SLC12A8: variants seen among roughly 807,000 people sequenced by gnomAD.
The protein encoded by SLC12A8 is cation-chloride cotransporter 9.
A neutral mutation model predicts 75.6 loss-of-function variants in SLC12A8; 69 were observed. The ratio of observed to expected loss-of-function variants is 0.91; its 90% confidence interval spans 0.75 to 1.11. The LOEUF is 1.11. SLC12A8 is among the 50% of genes most tolerant of loss of function. The pLI is 0.00. For synonymous variants in SLC12A8, 365 were observed against 372.8 expected, an observed-to-expected ratio of 0.98 and a Z score of 0.24; for missense variants, 877 against 896.7, an observed-to-expected ratio of 0.98 and a Z score of 0.28.
intron 4 of SLC12A8, among the ~76,000 whole-genome samples, chr3:125,179,230 C>G (rs1934601361): frequency 6.6e-6 from 1 of 152,104 alleles, no homozygotes; most frequent in Non-Finnish European, 1.5e-5. Flanking sequence ...AAGCTAACTG[C>G]TAAGGCCATA....
chr3:125,189,692 C>T (rs567589141), intron 3 of SLC12A8, among the ~76,000 whole-genome samples: 15 of 152,330 alleles, frequency 9.8e-5, no homozygotes, highest in African/African-American at 3.1e-4. Context: ...TGGTGACTGG[C>T]TTGCCTTTTG....
intron 5 of SLC12A8, among the ~76,000 whole-genome samples, chr3:125,153,859 G>T (rs915196265): frequency 2.0e-5 from 3 of 152,210 alleles, no homozygotes; most frequent in Admixed American, 1.3e-4. Flanking sequence ...GGCTATTATT[G>T]GCCTTGAGCT....
At chr3:125,133,153 A>G (rs745434545) in intron 6 of SLC12A8, among the ~76,000 whole-genome samples, 1 of 152,072 alleles carries the variant, frequency 6.6e-6, no homozygotes, top group African/African-American at 2.4e-5. Flanking sequence ...GGAGAGGGAA[A>G]GGCTATTGCT....
At chr3:125,109,390 G>C (rs74366599) in intron 9 of SLC12A8, among the ~76,000 whole-genome samples, 1 of 152,204 alleles carries the variant, frequency 6.6e-6, no homozygotes, top group Non-Finnish European at 1.5e-5. Flanking sequence ...ACGTCTAATA[G>C]GATCTCAAAC....
chr3:125,098,231 G>T (rs1373307231), intron 10 of SLC12A8, among the ~76,000 whole-genome samples: 1 of 152,088 alleles, frequency 6.6e-6, no homozygotes, highest in African/African-American at 2.4e-5. Context: ...AGTCCACACA[G>T]AATCATGTTT....
chr3:125,114,115 G>C (rs1268368248), intron 8 of SLC12A8, among the ~76,000 whole-genome samples: 1 of 152,076 alleles, frequency 6.6e-6, no homozygotes, highest in East Asian at 1.9e-4. Flanking sequence ...TCCATGAATT[G>C]ATCAACATCT....
intron 10 of SLC12A8, among the ~76,000 whole-genome samples, chr3:125,107,107 G>C (rs1939047734): frequency 1.3e-5 from 2 of 152,102 alleles, no homozygotes; most frequent in African/African-American, 4.8e-5. Flanking sequence ...AAAACATATT[G>C]CATCCTTAAC....
chr3:125,120,493 TGGTCACAGTC>T, intron 7 of SLC12A8, 96 bp downstream of exon 7: 1 of 795,012 alleles, frequency 1.3e-6, no homozygotes, highest in Non-Finnish European at 2.2e-6. Context: ...TGAAATAGAT[TGGTCACAGTC>T]GGGGCACTCT....
At chr3:125,159,051 T>C (rs954154192) in intron 5 of SLC12A8, among the ~76,000 whole-genome samples, 4 of 152,118 alleles carry the variant, frequency 2.6e-5, no homozygotes, top group African/African-American at 9.7e-5. Flanking sequence ...AGACAGACAA[T>C]GATCTCTCAC....
At chr3:125,158,912 G>A (rs1421090823) in intron 5 of SLC12A8, among the ~76,000 whole-genome samples, 1 of 151,590 alleles carries the variant, frequency 6.6e-6, no homozygotes, top group Non-Finnish European at 1.5e-5. Flanking sequence ...CATCCCAAAT[G>A]GCTTCAAAAA....
intron 5 of SLC12A8, among the ~76,000 whole-genome samples, chr3:125,172,281 A>AAAG (rs1390642898): frequency 9.3e-5 from 14 of 150,576 alleles, no homozygotes; most frequent in African/African-American, 3.2e-4. Flanking sequence ...TCTTAAAAAA[A>AAAG]AAAAAAATTC....
intron 2 of SLC12A8, among the ~76,000 whole-genome samples, chr3:125,192,389 C>T (rs1934926019): frequency 6.6e-6 from 1 of 152,194 alleles, no homozygotes; most frequent in Admixed American, 6.5e-5. Flanking sequence ...CCCACACTCA[C>T]CTAAACATTA....
chr3:125,182,062 C>T (rs1430025562), intron 4 of SLC12A8, among the ~76,000 whole-genome samples: 4 of 152,072 alleles, frequency 2.6e-5, no homozygotes, highest in Admixed American at 6.6e-5. Context: ...CAGTGGTTTA[C>T]GCCTATAATC....
At chr3:125,178,573 T>C (rs1456783809) in intron 4 of SLC12A8, among the ~76,000 whole-genome samples, 1 of 152,244 alleles carries the variant, frequency 6.6e-6, no homozygotes, top group Non-Finnish European at 1.5e-5. Flanking sequence ...GCCCCAGATT[T>C]AATAAAGTTA....
chr3:125,108,203 A>G, intron 9 of SLC12A8, 77 bp from the exon 10 acceptor site: 1 of 1,433,918 alleles, frequency 7.0e-7, no homozygotes. Context: ...GTTACAGGCT[A>G]GAAACACAAC....
At chr3:125,183,042 T>G (rs1333157708) in intron 4 of SLC12A8, among the ~76,000 whole-genome samples, 1 of 152,164 alleles carries the variant, frequency 6.6e-6, no homozygotes, top group African/African-American at 2.4e-5. Context: ...AGTACCCTTA[T>G]GTTTACGCAA....
intron 2 of SLC12A8, among the ~76,000 whole-genome samples, chr3:125,194,764 T>C (rs1934974005): frequency 1.3e-5 from 2 of 152,240 alleles, no homozygotes; most frequent in Admixed American, 6.5e-5. Context: ...TCTCCCAAAG[T>C]GCACCTGCAG....
At chr3:125,177,172 G>T (rs1364721610) in intron 5 of SLC12A8, among the ~76,000 whole-genome samples, 2 of 152,044 alleles carry the variant, frequency 1.3e-5, no homozygotes, top group Non-Finnish European at 2.9e-5. Context: ...CATGTCCTTT[G>T]TAGGGACATG....
chr3:125,140,460 T>C (rs1016635936), intron 5 of SLC12A8, among the ~76,000 whole-genome samples: 3 of 152,184 alleles, frequency 2.0e-5, no homozygotes, highest in Non-Finnish European at 1.5e-5. Context: ...AGGTTGCCTT[T>C]CAGCCCCAGG....
Sources: allele counts gnomAD v4.1 joint callset (sites outside exome capture counted in the v4.1 genomes callset), GRCh38; gene constraint gnomAD v4.1.1; transcripts MANE v1.5; gene names NCBI Gene and HGNC (gene_info 2026-07-23, HGNC 2026-07-21).